COL22A1: variants seen among roughly 807,000 people sequenced by gnomAD.
The protein encoded by COL22A1 is collagen alpha-1(XXII) chain.
A neutral mutation model predicts 248.9 loss-of-function variants in COL22A1; 221 were observed. That is an observed-to-expected ratio of 0.89 (90% CI 0.80 to 0.99). The LOEUF is 0.99. Ranked by LOEUF, COL22A1 falls within the 50% of genes least tolerant of loss-of-function variation. The probability of loss-of-function intolerance (pLI) is 0.00; values close to 1 mark genes in which losing one functional copy is unlikely to be tolerated. For synonymous variants in COL22A1, 891 were observed against 793.4 expected (o/e 1.12, Z -2.07); for missense variants, 2,240 against 2,179.0 (o/e 1.03, Z -0.56).
Position 138,877,876 on chromosome 8 carries a change from C to T in COL22A1, c.532G>A (p.Gly178Ser), listed in dbSNP as rs772380486. 1.9e-6 allele frequency: 3 copies of T among 1,612,840 alleles called. No individual in the cohort carries two copies. Residue 178 changes from glycine (G) to serine (S), a missense_variant, in exon 3 of 65, where the codon GGC becomes AGC. Coordinates refer to ENST00000303045, the MANE Select transcript of COL22A1 (RefSeq NM_152888.3). ...AGIRIFAVGV[G>S]EALKEELEEI... is the part of the protein sequence containing the mutation. Reference sequence around the variant, plus strand: ...TCCAGCTCCTCCTTGAGTGCCTCGCCCACGCCCACGGCAAAGATGCGGATG... The same window carrying T: ...TCCAGCTCCTCCTTGAGTGCCTCGCTCACGCCCACGGCAAAGATGCGGATG...
intron 1 of COL22A1, among the ~76,000 whole-genome samples, chr8:138,911,671 G>A (rs182886892): frequency 3.9e-5 from 6 of 152,306 alleles, no homozygotes; most frequent in Admixed American, 3.3e-4. Context: ...ATTTTATGTT[G>A]GCAATAACTG....
intron 36 of COL22A1, among the ~76,000 whole-genome samples, chr8:138,689,867 A>G (rs1032308688): frequency 6.6e-6 from 1 of 152,204 alleles, no homozygotes; most frequent in Non-Finnish European, 1.5e-5. Flanking sequence ...GATCTGAGCT[A>G]TTCTGCTGGT....
intron 16 of COL22A1, among the ~76,000 whole-genome samples, chr8:138,763,126 C>T (rs188744640): frequency 3.0e-4 from 45 of 152,284 alleles, no homozygotes; most frequent in Non-Finnish European, 1.8e-4. Flanking sequence ...GTGGCTCACA[C>T]CTGTCATCCC....
At chr8:138,720,858 C>T in intron 26 of COL22A1, 66 bp from the exon 27 acceptor site, 2 of 1,301,060 alleles carry the variant, frequency 1.5e-6, no homozygotes, top group African/African-American at 1.5e-5. Context: ...ACACAAAGTA[C>T]TAGGCACAGG....
chr8:138,755,989 A>C (rs541092598), intron 18 of COL22A1, among the ~76,000 whole-genome samples, 160 bp from the exon 19 acceptor site: 2 of 152,298 alleles, frequency 1.3e-5, no homozygotes, highest in East Asian at 3.9e-4. Context: ...GTCTTCTGAA[A>C]TTCTCAAAGT....
chr8:138,823,196 G>T (rs767834767), intron 6 of COL22A1, among the ~76,000 whole-genome samples: 1 of 152,136 alleles, frequency 6.6e-6, no homozygotes, highest in Non-Finnish European at 1.5e-5. Context: ...ATTGATCCAC[G>T]ATAATTTAAT....
At chr8:138,698,745 G>A (rs1827723670) in intron 32 of COL22A1, among the ~76,000 whole-genome samples, 1 of 151,340 alleles carries the variant, frequency 6.6e-6, no homozygotes, top group African/African-American at 2.4e-5. Flanking sequence ...GGTGAGAGAG[G>A]TGCGGTGTTC....
chr8:138,768,487 G>A (rs886344430), intron 16 of COL22A1, among the ~76,000 whole-genome samples: 4 of 152,196 alleles, frequency 2.6e-5, no homozygotes, highest in Admixed American at 2.6e-4. Context: ...CCTCTTTCCT[G>A]TGCTTTGACA....
intron 30 of COL22A1, among the ~76,000 whole-genome samples, chr8:138,708,029 A>G (rs978125557): frequency 5.9e-5 from 9 of 152,202 alleles, no homozygotes; most frequent in Non-Finnish European, 7.3e-5. Flanking sequence ...GTGAACTCCC[A>G]TTCACAATTG....
At chr8:138,600,851 T>C (rs916110245) in intron 60 of COL22A1, among the ~76,000 whole-genome samples, 2 of 152,238 alleles carry the variant, frequency 1.3e-5, no homozygotes, top group African/African-American at 4.8e-5. Flanking sequence ...AAAGTCCTGA[T>C]ATTTGTACAC....
At chr8:138,684,990 C>G (rs1310398320) in intron 38 of COL22A1, among the ~76,000 whole-genome samples, 1 of 152,222 alleles carries the variant, frequency 6.6e-6, no homozygotes, top group Non-Finnish European at 1.5e-5. Context: ...CGCAGCCTGT[C>G]TCATCCATCT....
intron 3 of COL22A1, among the ~76,000 whole-genome samples, chr8:138,850,373 C>T (rs1418227986): frequency 6.6e-6 from 1 of 152,184 alleles, no homozygotes. Flanking sequence ...ATGCAGTAGA[C>T]AAAATATCGC....
chr8:138,830,497 C>T (rs954611494), intron 5 of COL22A1, among the ~76,000 whole-genome samples: 5 of 152,080 alleles, frequency 3.3e-5, no homozygotes, highest in African/African-American at 1.2e-4. Flanking sequence ...AAGAGCTTTG[C>T]CAATTTGATT....
Position 138,659,734 on chromosome 8 carries a change from G to A in COL22A1, c.3285+702C>T, listed in dbSNP as rs368186521. ...GTGTCCCAGGAGATGAGGGTGCCTC[G>A]CATCAGGGAAGCCTATATATAGGAC... On this transcript the variant is annotated intron_variant, in intron 44 of 64. Coordinates refer to ENST00000303045, the MANE Select transcript of COL22A1 (RefSeq NM_152888.3). 5.9e-5 allele frequency among the ~76,000 whole-genome samples: 9 copies of A among 152,166 alleles called. No homozygotes were observed. The East Asian group carries it at 7.7e-4, about 13-fold the overall frequency.
intron 7 of COL22A1, among the ~76,000 whole-genome samples, chr8:138,819,429 T>C (rs1009545662): frequency 6.6e-6 from 1 of 151,928 alleles, no homozygotes; most frequent in Non-Finnish European, 1.5e-5. Flanking sequence ...TAGGGAAGGA[T>C]TTCCAGTCTC....
chr8:138,830,437 A>G (rs919117496), intron 5 of COL22A1, among the ~76,000 whole-genome samples: 1 of 152,272 alleles, frequency 6.6e-6, no homozygotes, highest in Non-Finnish European at 1.5e-5. Flanking sequence ...ATATGTGTTT[A>G]AACTTCAAAG....
In COL22A1 at chr8:138,782,888, C is replaced by T. The variant is rs138456345; in HGVS notation, c.1597-1908G>A. 3.4e-3 allele frequency among the ~76,000 whole-genome samples: 521 copies of T among 152,302 alleles called. 4 individuals carry two copies. Among genetic ancestry groups the T allele is most frequent in the African/African-American group, 0.012 (497 of 41,548 alleles). On this transcript the variant is annotated intron_variant, in intron 12 of 64. Coordinates refer to ENST00000303045, the MANE Select transcript of COL22A1 (RefSeq NM_152888.3). The stretch of plus-strand genomic sequence containing the variant: ...TGGGAAAGAACACCTTTGCCAGCTG[C>T]TGTGTGCACCATAAGCCTCTGGGGA...
chr8:138,870,671 G>A (rs1823266543), intron 3 of COL22A1, among the ~76,000 whole-genome samples: 1 of 151,866 alleles, frequency 6.6e-6, no homozygotes, highest in African/African-American at 2.4e-5. Flanking sequence ...TGCAAAACGT[G>A]TATTTGCATG....
Position 138,679,629 on chromosome 8 carries a change from C to T in COL22A1, c.3060G>A (p.Gly1020=). ...VRGSENCALG[G]QCVKGDRGAP... is the part of the protein sequence containing the mutation. ...GATCTTCACTGACCTTAACACATTG[C>T]CCTCCCAGTGCACAGTTTTCTGACC... Residue 1020 remains glycine (G), a synonymous_variant, in exon 40 of 65, where the codon GGG becomes GGA. Coordinates refer to ENST00000303045, the MANE Select transcript of COL22A1 (RefSeq NM_152888.3). 2 of 1,613,916 alleles carry T rather than the reference C, an allele frequency of 1.2e-6. No individual in the cohort carries two copies. The highest frequency in any genetic ancestry group is 1.7e-6 in the Non-Finnish European group (2 of 1,179,844).
Sources: allele counts gnomAD v4.1 joint callset (sites outside exome capture counted in the v4.1 genomes callset), GRCh38; gene constraint gnomAD v4.1.1; transcripts MANE v1.5; gene names NCBI Gene and HGNC (gene_info 2026-07-23, HGNC 2026-07-21).